The following LNX1 variants were observed in gnomAD, a reference collection of about 807,000 sequenced individuals.
LNX1 encodes E3 ubiquitin-protein ligase LNX.
LNX1 carries 54 observed loss-of-function variants against 68.4 expected under a neutral mutation model. That is an observed-to-expected ratio of 0.79 (90% CI 0.63 to 0.99). The LOEUF (loss-of-function observed/expected upper bound fraction) is 0.99, where lower values mean the gene tolerates loss of function less well. Ranked by LOEUF, LNX1 falls within the 50% of genes least tolerant of loss-of-function variation. The pLI, the probability that LNX1 is intolerant of heterozygous loss-of-function variation, is 0.00. For missense variants in LNX1, 906 were observed against 926.4 expected, an observed-to-expected ratio of 0.98 and a Z score of 0.29; for synonymous variants, 336 against 350.0, an observed-to-expected ratio of 0.96 and a Z score of 0.45.
intron 1 of LNX1, among the ~76,000 whole-genome samples, chr4:53,637,630 G>T (rs1220916613): frequency 6.6e-6 from 1 of 151,944 alleles, no homozygotes; most frequent in Non-Finnish European, 1.5e-5. Context: ...GATGCCAAAG[G>T]GTAGAATGTG....
intron 6 of LNX1, among the ~76,000 whole-genome samples, chr4:53,491,173 C>T (rs1406645105): frequency 6.6e-6 from 1 of 151,916 alleles, no homozygotes; most frequent in Non-Finnish European, 1.5e-5. Flanking sequence ...CAAACATTAT[C>T]TCCAGGATGT....
At chr4:53,474,978 G>C (rs1227528028) in intron 9 of LNX1, among the ~76,000 whole-genome samples, 1 of 152,158 alleles carries the variant, frequency 6.6e-6, no homozygotes, top group African/African-American at 2.4e-5. Context: ...ATGTTGGCCA[G>C]GCTGGTCTTG....
At chr4:53,469,773 C>T (rs1579358004) in intron 9 of LNX1, among the ~76,000 whole-genome samples, 1 of 152,134 alleles carries the variant, frequency 6.6e-6, no homozygotes, top group Non-Finnish European at 1.5e-5. Flanking sequence ...CACATACACC[C>T]TCCCAAGACT....
At chr4:53,632,245 A>T (rs1734307138) in intron 1 of LNX1, among the ~76,000 whole-genome samples, 2 of 152,128 alleles carry the variant, frequency 1.3e-5, no homozygotes, top group African/African-American at 4.8e-5. Flanking sequence ...CCACCAGGAC[A>T]GTGGTACTTT....
intron 2 of LNX1, among the ~76,000 whole-genome samples, chr4:53,596,573 G>A (rs1201630074): frequency 2.0e-5 from 3 of 152,090 alleles, no homozygotes; most frequent in Admixed American, 2.0e-4. Context: ...TAAACAGGGT[G>A]GATTATTCCC....
At position 53,566,045 on chromosome 4, in the gene LNX1, G is replaced by A. The variant is rs533311994; in HGVS notation, c.380+7578C>T. 8.6e-5 allele frequency among the ~76,000 whole-genome samples: 13 copies of A among 151,062 alleles called. No individual in the cohort carries two copies. In the South Asian group the frequency reaches 2.7e-3, roughly 31 times the overall value. On this transcript the variant is annotated intron_variant, in intron 2 of 10. Coordinates refer to ENST00000263925, the MANE Select transcript of LNX1 (RefSeq NM_001126328.3). ...GATTGGTGTACCTGAAAGTGATGGG[G>A]AGAATGGAACCAAGTTGGAAAACAC...
rs1490932197 is a variant in LNX1, at chr4:53,460,426, T to TAATTA, written c.*476_*480dup. 3 of 189,770 alleles carry TAATTA rather than the reference T, an allele frequency of 1.6e-5. No homozygotes were observed. Among genetic ancestry groups the TAATTA allele is most frequent in the Non-Finnish European group, 3.3e-5 (3 of 90,754 alleles). The allele number at this position is 189,770 out of a possible 1,614,324, so 11.8% of individuals were successfully genotyped here. Reference sequence around the variant, plus strand: ...AATAGTGATAATACAAAAGTAATCTTAATTAGTATCACATACTAAAAGACA... The same window carrying TAATTA: ...AATAGTGATAATACAAAAGTAATCTTAATTAAATTAGTATCACATACTAAAAGACA... On this transcript the variant is annotated 3_prime_UTR_variant, in exon 11 of 11. Coordinates refer to ENST00000263925, the MANE Select transcript of LNX1 (RefSeq NM_001126328.3).
chr4:53,583,931 C>T (rs886722183), intron 1 of LNX1, among the ~76,000 whole-genome samples: 61 of 109,594 alleles, frequency 5.6e-4, no homozygotes, highest in Non-Finnish European at 1.0e-3. Flanking sequence ...TGACCCCCTG[C>T]AAACAACAAC....
At chr4:53,584,406 A>C (rs17083094) in intron 1 of LNX1, among the ~76,000 whole-genome samples, 1 of 152,202 alleles carries the variant, frequency 6.6e-6, no homozygotes, top group Non-Finnish European at 1.5e-5. Context: ...ATGTAAAAAC[A>C]CTGCAAGAGA....
chr4:53,573,658 C>A lies in LNX1; in HGVS notation c.345G>T (p.Leu115Phe). ...AGTGATGCTCGAGGTCACAGCGCTG[C>A]AACACCTGGGTGCAGTGCTCCCTGA... ...CPFREHCTQV[L>F]QRCDLEHHFQ... Residue 115 changes from leucine (L) to phenylalanine (F), a missense_variant, in exon 2 of 11, where the codon TTG becomes TTT. Coordinates refer to ENST00000263925, the MANE Select transcript of LNX1 (RefSeq NM_001126328.3). The A allele has an allele frequency of 6.2e-7, 1 of 1,606,450 alleles. No homozygotes were observed. The highest frequency in any genetic ancestry group is 2.2e-5 in the East Asian group (1 of 44,656).
intron 6 of LNX1, among the ~76,000 whole-genome samples, chr4:53,494,040 T>G (rs1182693127): frequency 6.6e-6 from 1 of 152,212 alleles, no homozygotes; most frequent in East Asian, 1.9e-4. Flanking sequence ...CAGGTACTAT[T>G]TATCATTTCC....
Position 53,504,892 on chromosome 4 carries a change from CA to C in LNX1, c.775+2424del, listed in dbSNP as rs139051833. On this transcript the variant is annotated intron_variant, in intron 4 of 10. Coordinates refer to ENST00000263925, the MANE Select transcript of LNX1 (RefSeq NM_001126328.3). The stretch of plus-strand genomic sequence containing the variant: ...GGGCATGGCTCGTGGCACGCTAAAA[CA>C]ATTACAATAGTAACGCCAAAGATAA... Among the ~76,000 whole-genome samples the C allele has an allele frequency of 8.0e-3, 1,213 of 152,210 alleles. 18 individuals carry two copies. Among genetic ancestry groups the C allele is most frequent in the African/African-American group, 0.028 (1,147 of 41,524 alleles).
chr4:53,642,271 C>T (rs1426562822), intron 1 of LNX1, among the ~76,000 whole-genome samples: 3 of 149,368 alleles, frequency 2.0e-5, no homozygotes, highest in Non-Finnish European at 3.0e-5. Context: ...AGACCATTTC[C>T]ACTTTTTGAA....
At chr4:53,648,706 T>C (rs1577832088) in intron 1 of LNX1, among the ~76,000 whole-genome samples, 2 of 152,282 alleles carry the variant, frequency 1.3e-5, no homozygotes, top group Middle Eastern at 6.8e-3. Context: ...GCTCCAACAA[T>C]GGGGGCTGAA....
chr4:53,463,633 C>A (rs1722379584), intron 9 of LNX1, among the ~76,000 whole-genome samples: 1 of 76,204 alleles, frequency 1.3e-5, no homozygotes, highest in Admixed American at 1.4e-4. Context: ...TAAATTTAGG[C>A]CTATCGAAGA....
chr4:53,567,768 A>T (rs2109760071), intron 2 of LNX1, among the ~76,000 whole-genome samples: 1 of 152,346 alleles, frequency 6.6e-6, no homozygotes, highest in African/African-American at 2.4e-5. Flanking sequence ...TAAAGAAAAA[A>T]AGAGAGAAGA....
intron 2 of LNX1, among the ~76,000 whole-genome samples, chr4:53,529,068 G>A (rs1367207515): frequency 7.1e-6 from 1 of 141,452 alleles, no homozygotes; most frequent in Non-Finnish European, 1.5e-5. Context: ...GGTCTTGCTG[G>A]CTTATTGGCA....
At chr4:53,649,988 G>T (rs1228225180) in intron 1 of LNX1, among the ~76,000 whole-genome samples, 1 of 152,168 alleles carries the variant, frequency 6.6e-6, no homozygotes, top group Non-Finnish European at 1.5e-5. Context: ...AAAGGAGCAG[G>T]GACTGCCCAA....
intron 2 of LNX1, among the ~76,000 whole-genome samples, chr4:53,525,647 A>C (rs1727559155): frequency 6.6e-6 from 1 of 152,232 alleles, no homozygotes; most frequent in African/African-American, 2.4e-5. Flanking sequence ...TTAATTGCAA[A>C]AACCACAATT....
Sources: allele counts gnomAD v4.1 joint callset (sites outside exome capture counted in the v4.1 genomes callset), GRCh38; gene constraint gnomAD v4.1.1; transcripts MANE v1.5; gene names NCBI Gene and HGNC (gene_info 2026-07-23, HGNC 2026-07-21).